The following TFCP2 variants were observed in gnomAD, a reference collection of about 807,000 sequenced individuals.
TFCP2 encodes the protein alpha-globin transcription factor CP2.
A neutral mutation model predicts 73.4 loss-of-function variants in TFCP2; 33 were observed. The ratio of observed to expected loss-of-function variants is 0.45; its 90% CI spans 0.34 to 0.60. The LOEUF (loss-of-function observed/expected upper bound fraction) is 0.60. Ranked by LOEUF, TFCP2 falls within the 20% of genes least tolerant of loss-of-function variation. The probability of loss-of-function intolerance (pLI) is 0.01; values close to 1 mark genes in which losing one functional copy is unlikely to be tolerated. For missense variants in TFCP2, 352 were observed against 604.0 expected, an observed-to-expected ratio of 0.58 and a Z score of 4.37; for synonymous variants, 193 against 211.6, an observed-to-expected ratio of 0.91 and a Z score of 0.76.
intron 14 of TFCP2, 76 bp from the exon 15 acceptor site, chr12:51,095,354 G>C: frequency 6.7e-7 from 1 of 1,498,146 alleles, no homozygotes; most frequent in Admixed American, 1.7e-5. Context: ...AGTATGGTAA[G>C]ATTCTCGTGA....
chr12:51,111,523 T>A (rs551273862), intron 4 of TFCP2, among the ~76,000 whole-genome samples: 1 of 152,266 alleles, frequency 6.6e-6, no homozygotes, highest in South Asian at 2.1e-4. Context: ...CTTGAGCACC[T>A]TTTTTCCTCT....
intron 1 of TFCP2, among the ~76,000 whole-genome samples, chr12:51,146,514 A>G (rs975556907): frequency 6.6e-6 from 1 of 152,096 alleles, no homozygotes; most frequent in Non-Finnish European, 1.5e-5. Context: ...ATACTATTCC[A>G]CACAAAAATT....
intron 1 of TFCP2, among the ~76,000 whole-genome samples, chr12:51,128,521 T>A (rs1209755464): frequency 6.6e-6 from 1 of 150,704 alleles, no homozygotes; most frequent in African/African-American, 2.4e-5. Flanking sequence ...ATTGGGAACA[T>A]CTAGAAACCA....
intron 1 of TFCP2, among the ~76,000 whole-genome samples, chr12:51,140,413 C>T (rs1239325547): frequency 6.8e-6 from 1 of 146,062 alleles, no homozygotes; most frequent in Non-Finnish European, 1.5e-5. Flanking sequence ...CTTTTTTCTT[C>T]CTTCCTTCTT....
At chr12:51,099,586 T>G in intron 12 of TFCP2, 69 bp downstream of exon 12, 1 of 1,568,182 alleles carries the variant, frequency 6.4e-7, no homozygotes, top group Non-Finnish European at 8.7e-7. Flanking sequence ...TAGTTTCCCA[T>G]CACACATGCC....
chr12:51,095,105 G>A lies in TFCP2; in HGVS notation c.*136C>T, dbSNP rs1939921984. On this transcript the variant is annotated 3_prime_UTR_variant, in exon 15 of 15. Coordinates refer to ENST00000257915, the MANE Select transcript of TFCP2 (RefSeq NM_005653.5). ...CAGAGGGCCAGGATTCTGCCTCCAT[G>A]GCCTGGACTCCTCCACACACAGTCA... 2 of 962,818 alleles carry A rather than the reference G, an allele frequency of 2.1e-6. No homozygotes were observed. The highest frequency in any genetic ancestry group is 3.3e-6 in the Non-Finnish European group (2 of 599,694). The allele number at this position is 962,818 out of a possible 1,614,324, so 59.6% of individuals were successfully genotyped here. A position where few individuals can be genotyped will look rare whatever the true frequency, so the allele number is the denominator to read the frequency against.
At chr12:51,096,182 T>A (rs982952731) in intron 13 of TFCP2, 142 bp from the exon 14 acceptor site, 1 of 634,264 alleles carries the variant, frequency 1.6e-6, no homozygotes, top group Non-Finnish European at 2.6e-6. Context: ...CTTGAATATC[T>A]AGGATCATAA....
At position 51,151,237 on chromosome 12, in the gene TFCP2, A is replaced by G. The variant is rs928455457; in HGVS notation, c.122+21064T>C. On this transcript the variant is annotated intron_variant, in intron 1 of 14. Coordinates refer to ENST00000257915, the MANE Select transcript of TFCP2 (RefSeq NM_005653.5). The stretch of plus-strand genomic sequence containing the variant: ...TTCAATGGCTGGAGGAGCAGACCAT[A>G]TGGATCCTTGACAGACCTGTGGCTT... 5.3e-5 allele frequency among the ~76,000 whole-genome samples: 8 copies of G among 152,326 alleles called. No homozygotes were observed. The East Asian group carries it at 1.5e-3, about 29-fold the overall frequency.
At chr12:51,125,087 G>C (rs767488683) in intron 1 of TFCP2, 2 of 755,882 alleles carry the variant, frequency 2.6e-6, no homozygotes, top group Non-Finnish European at 4.9e-6. Context: ...CCTCTCCGAT[G>C]CTGGTGAAGA....
At chr12:51,164,596 CGA>C (rs1941716225) in intron 1 of TFCP2, among the ~76,000 whole-genome samples, 1 of 96,862 alleles carries the variant, frequency 1.0e-5, no homozygotes, top group Non-Finnish European at 2.1e-5. Context: ...GACTCCATCT[CGA>C]AAAAAAAAAA....
chr12:51,140,445 C>CTTTTTTTTTTTTTT (rs768526922), intron 1 of TFCP2, among the ~76,000 whole-genome samples: 29 of 88,026 alleles, frequency 3.3e-4, no homozygotes, highest in South Asian at 4.7e-4. Context: ...TTTTCTTTTT[C>CTTTTTTTTTTTTTT]TTTTTTTTTT....
intron 8 of TFCP2, 119 bp downstream of exon 8, chr12:51,106,406 C>T (rs919243982): frequency 1.5e-6 from 1 of 686,194 alleles, no homozygotes; most frequent in Admixed American, 3.3e-5. Flanking sequence ...TATATAAATC[C>T]ATCAAAGAAC....
At chr12:51,122,656 G>A (rs1054848393) in intron 1 of TFCP2, among the ~76,000 whole-genome samples, 2 of 152,108 alleles carry the variant, frequency 1.3e-5, no homozygotes, top group African/African-American at 4.8e-5. Context: ...AGTTAAGAGT[G>A]GAGAATGTTG....
chr12:51,102,168 G>A (rs1018313405), intron 10 of TFCP2, 143 bp from the exon 11 acceptor site: 1 of 611,778 alleles, frequency 1.6e-6, no homozygotes, highest in African/African-American at 1.8e-5. Context: ...GGCCCTTCAT[G>A]ACCTGGCTCC....
intron 5 of TFCP2, among the ~76,000 whole-genome samples, chr12:51,109,667 T>C (rs570159883): frequency 4.6e-5 from 7 of 151,792 alleles, no homozygotes; most frequent in African/African-American, 1.7e-4. Flanking sequence ...ACAGCAATAG[T>C]GGAGAAAAAG....
intron 13 of TFCP2, among the ~76,000 whole-genome samples, chr12:51,096,577 T>A (rs1417997935): frequency 2.0e-5 from 3 of 152,190 alleles, no homozygotes; most frequent in African/African-American, 7.2e-5. Flanking sequence ...ATAGACCCTT[T>A]TATGAGCCAC....
chr12:51,132,268 C>T (rs1940959623), intron 1 of TFCP2, among the ~76,000 whole-genome samples: 1 of 151,416 alleles, frequency 6.6e-6, no homozygotes, highest in South Asian at 2.1e-4. Flanking sequence ...CGCAGCACTC[C>T]TTCCACACTG....
chr12:51,163,548 C>T (rs567167915), intron 1 of TFCP2, among the ~76,000 whole-genome samples: 1 of 152,094 alleles, frequency 6.6e-6, no homozygotes, highest in East Asian at 1.9e-4. Flanking sequence ...CAAGATCACG[C>T]CACTGTACTC....
chr12:51,124,989 T>G (rs763922543), intron 1 of TFCP2: 2 of 734,960 alleles, frequency 2.7e-6, no homozygotes, highest in South Asian at 2.8e-5. Flanking sequence ...CAGCTCTCTC[T>G]GAGTGATAAC....
Sources: allele counts gnomAD v4.1 joint callset (sites outside exome capture counted in the v4.1 genomes callset), GRCh38; gene constraint gnomAD v4.1.1; transcripts MANE v1.5; gene names NCBI Gene and HGNC (gene_info 2026-07-23, HGNC 2026-07-21).